Variants in MAGT1 observed in about 807,000 individuals in gnomAD.
MAGT1 encodes the protein magnesium transporter 1.
A neutral mutation model predicts 28.4 loss-of-function variants in MAGT1; 4 were observed. The ratio of observed to expected loss-of-function variants is 0.14; its 90% CI spans 0.07 to 0.32. MAGT1 has a LOEUF of 0.32. Among genes scored for constraint, MAGT1 ranks in the 10% least tolerant of loss-of-function variants. The pLI, the probability that MAGT1 is intolerant of heterozygous loss-of-function variation, is 1.00. For missense variants in MAGT1, 193 were observed against 264.5 expected (o/e 0.73, Z 1.88); for synonymous variants, 89 against 89.7 (o/e 0.99, Z 0.04).
At chrX:77,882,241 A>T (rs1237609598) in intron 1 of MAGT1, among the ~76,000 whole-genome samples, 1 of 112,013 alleles carries the variant, frequency 8.9e-6, no homozygotes, top group African/African-American at 3.2e-5. Context: ...CTGGCACAAG[A>T]CAGGGATGCC....
At chrX:77,881,274 ATATT>A (rs2077051543) in intron 1 of MAGT1, among the ~76,000 whole-genome samples, 2 of 110,573 alleles carry the variant, frequency 1.8e-5, no homozygotes, top group African/African-American at 6.6e-5. Flanking sequence ...TTATATATAG[ATATT>A]TATTATACTT....
intron 1 of MAGT1, among the ~76,000 whole-genome samples, chrX:77,877,711 G>A (rs1189902690): frequency 9.3e-6 from 1 of 107,379 alleles, no homozygotes; most frequent in African/African-American, 3.4e-5. Flanking sequence ...TACTCGGGAG[G>A]CTGAGGCAGG....
rs985153392 is a variant in MAGT1 at position 77,879,823 on chromosome X, T to C, written c.103-4226A>G. 1.6e-4 allele frequency among the ~76,000 whole-genome samples: 16 copies of C among 98,289 alleles called. No homozygotes were observed. In the Admixed American group the frequency reaches 2.0e-3, roughly 12 times the overall value. The allele number at this position is 98,289 out of a possible 115,157, so 85.4% of individuals were successfully genotyped here. Reference sequence around the variant, plus strand: ...TAGAAAGTAACATGGATTCTAAAAATGCATGATTTGCCTTTTTTTTTTTTT... The same window carrying C: ...TAGAAAGTAACATGGATTCTAAAAACGCATGATTTGCCTTTTTTTTTTTTT... On this transcript the variant is annotated intron_variant, in intron 1 of 9. Transcript: ENST00000618282.
intron 3 of MAGT1, among the ~76,000 whole-genome samples, chrX:77,861,894 TG>T (rs1490744755): frequency 9.0e-6 from 1 of 111,451 alleles, no homozygotes; most frequent in Non-Finnish European, 1.9e-5. Context: ...TGTCAGGAAC[TG>T]GGGGAGTGGG....
At chrX:77,849,186 C>G (rs1361647362) in intron 7 of MAGT1, among the ~76,000 whole-genome samples, 2 of 109,157 alleles carry the variant, frequency 1.8e-5, no homozygotes, top group African/African-American at 6.7e-5. Flanking sequence ...AAGCCACCCT[C>G]CTGCCTCAGC....
intron 7 of MAGT1, among the ~76,000 whole-genome samples, chrX:77,842,236 A>C (rs1257149226): frequency 9.2e-6 from 1 of 108,996 alleles, no homozygotes; most frequent in Non-Finnish European, 1.9e-5. Context: ...CTACCAAAAA[A>C]TACAAAAAAT....
chrX:77,844,834 T>C (rs1603360244), intron 7 of MAGT1, among the ~76,000 whole-genome samples: 1 of 111,925 alleles, frequency 8.9e-6, no homozygotes, highest in East Asian at 2.8e-4. Flanking sequence ...TCTGTTCTTT[T>C]ACTTTTGCTG....
intron 1 of MAGT1, among the ~76,000 whole-genome samples, chrX:77,889,590 C>A (rs2077076678): frequency 9.2e-6 from 1 of 108,739 alleles, no homozygotes; most frequent in Admixed American, 1.0e-4. Context: ...CCAGGATGGT[C>A]TCGATCTCCT....
intron 7 of MAGT1, among the ~76,000 whole-genome samples, chrX:77,847,399 G>A (rs188592978): frequency 1.6e-4 from 18 of 111,869 alleles, no homozygotes; most frequent in Admixed American, 1.3e-3. Flanking sequence ...GCGATGCCTC[G>A]CCCTGCTTCG....
Position 77,857,475 on chromosome X carries a change from G to T in MAGT1, c.413C>A (p.Thr138Asn). ...FQMLNMNSAPTFINFPAKGKP... is the reference protein window; with the variant it reads ...FQMLNMNSAPNFINFPAKGKP... ...CCCTTTTGCAGGAAAGTTGATGAAAGTTGGAGCTGAATTCATGTTTAGCTG... is the reference window on the plus strand; with the variant it reads ...CCCTTTTGCAGGAAAGTTGATGAAATTTGGAGCTGAATTCATGTTTAGCTG... Residue 138 changes from threonine (T) to asparagine (N), a missense_variant, in exon 4 of 10, where the codon ACT becomes AAT. Physicochemically the swap from Thr to Asn is moderately conservative, Grantham distance 65. Transcript: ENST00000618282. The T allele has an allele frequency of 8.3e-7, 1 of 1,211,888 alleles. No homozygotes were observed. The highest frequency in any genetic ancestry group is 1.1e-6 in the Non-Finnish European group (1 of 895,429).
At chrX:77,865,094 T>C (rs1013389278) in intron 3 of MAGT1, among the ~76,000 whole-genome samples, 2 of 111,896 alleles carry the variant, frequency 1.8e-5, no homozygotes, top group Non-Finnish European at 3.8e-5. Flanking sequence ...AACATTTTTA[T>C]AAATGCACTG....
At chrX:77,846,223 A>G (rs1185636897) in intron 7 of MAGT1, among the ~76,000 whole-genome samples, 2 of 111,790 alleles carry the variant, frequency 1.8e-5, no homozygotes, top group Admixed American at 9.6e-5. Context: ...AGCTGATCGA[A>G]TCGGCTACTG....
At chrX:77,880,912 G>A (rs1382490009) in intron 1 of MAGT1, among the ~76,000 whole-genome samples, 1 of 97,634 alleles carries the variant, frequency 1.0e-5, no homozygotes, top group African/African-American at 3.8e-5. Flanking sequence ...GAGCCAAGAT[G>A]GCACCACTGT....
At chrX:77,862,464 A>G (rs2076997112) in intron 3 of MAGT1, among the ~76,000 whole-genome samples, 1 of 112,112 alleles carries the variant, frequency 8.9e-6, no homozygotes, top group South Asian at 3.6e-4. Flanking sequence ...TCAACAAGGA[A>G]CTAATGTCCA....
chrX:77,831,174 C>A (rs1045881226), intron 8 of MAGT1, among the ~76,000 whole-genome samples: 2 of 110,115 alleles, frequency 1.8e-5, no homozygotes, highest in African/African-American at 6.6e-5. Context: ...CCCGCCACTG[C>A]GCCCAGCTAA....
At chrX:77,887,781 C>T (rs2077071431) in intron 1 of MAGT1, among the ~76,000 whole-genome samples, 1 of 112,171 alleles carries the variant, frequency 8.9e-6, no homozygotes, top group Non-Finnish European at 1.9e-5. Context: ...AATTAATTCG[C>T]AAACAACTCC....
chrX:77,853,100 C>T (rs1557215669), intron 7 of MAGT1, among the ~76,000 whole-genome samples: 1 of 111,948 alleles, frequency 8.9e-6, no homozygotes, highest in Admixed American at 9.6e-5. Flanking sequence ...GAGGCATCCA[C>T]TTTTAGATAT....
intron 1 of MAGT1, among the ~76,000 whole-genome samples, chrX:77,892,188 C>A (rs782663264): frequency 2.7e-5 from 3 of 111,245 alleles, no homozygotes; most frequent in Non-Finnish European, 3.8e-5. Context: ...AGCCACTGCA[C>A]CCAGCAAAAA....
At chrX:77,838,556 G>C (rs1325704832) in intron 8 of MAGT1, among the ~76,000 whole-genome samples, 1 of 109,799 alleles carries the variant, frequency 9.1e-6, no homozygotes, top group Non-Finnish European at 1.9e-5. Context: ...TCAGGAGTTC[G>C]AGACCAGCCT....
Sources: gnomAD v4.1 joint callset for allele counts (sites outside exome capture counted in the v4.1 genomes callset) on GRCh38, gnomAD v4.1.1 for gene constraint, MANE v1.5 for transcripts, NCBI Gene and HGNC (gene_info 2026-07-23, HGNC 2026-07-21) for gene names.